The following TINAG variants were observed in gnomAD, a reference collection of about 807,000 sequenced individuals.
The protein encoded by TINAG is tubulointerstitial nephritis antigen.
A neutral mutation model predicts 72.7 loss-of-function variants in TINAG; 83 were observed. That is an observed-to-expected ratio of 1.14 (90% confidence interval 0.96 to 1.37). TINAG has a LOEUF of 1.37. Ranked by LOEUF, TINAG falls within the 40% of genes most tolerant of loss-of-function variation. TINAG has a pLI of 0.00. For missense variants in TINAG, 685 were observed against 576.6 expected (o/e 1.19, Z -1.93); for synonymous variants, 234 against 189.9 (o/e 1.23, Z -1.91).
intron 9 of TINAG, chr6:54,367,070 T>C (rs1763453737): frequency 6.6e-6 from 1 of 151,796 alleles, no homozygotes; most frequent in African/African-American, 2.4e-5. Flanking sequence ...TTCCATTGTT[T>C]CTATATTAAC....
intron 8 of TINAG, 26 bp downstream of exon 8, chr6:54,351,423 T>C (rs772254917): frequency 6.2e-7 from 1 of 1,601,102 alleles, no homozygotes. Flanking sequence ...ATACGGTTTT[T>C]TCTTACTCAT....
At chr6:54,320,261 A>G (rs1232272684) in intron 1 of TINAG, among the ~76,000 whole-genome samples, 1 of 152,106 alleles carries the variant, frequency 6.6e-6, no homozygotes, top group Non-Finnish European at 1.5e-5. Flanking sequence ...AAATACTATT[A>G]TATTGTTTAC....
intron 9 of TINAG, among the ~76,000 whole-genome samples, chr6:54,363,477 G>T (rs1366565948): frequency 6.6e-6 from 1 of 151,460 alleles, no homozygotes; most frequent in Middle Eastern, 3.4e-3. Context: ...TTGTAATGGG[G>T]CATGGTGAAG....
chr6:54,334,286 C>G (rs1162290382), intron 4 of TINAG, among the ~76,000 whole-genome samples: 1 of 152,198 alleles, frequency 6.6e-6, no homozygotes, highest in Non-Finnish European at 1.5e-5. Flanking sequence ...TCTCAGCTGC[C>G]TAGAAGCTCT....
At chr6:54,374,330 T>C (rs773466785) in intron 9 of TINAG, among the ~76,000 whole-genome samples, 9 of 152,074 alleles carry the variant, frequency 5.9e-5, no homozygotes, top group Admixed American at 2.6e-4. Flanking sequence ...TGGCAGAACA[T>C]ATCGATAAAA....
intron 3 of TINAG, among the ~76,000 whole-genome samples, chr6:54,323,666 C>A (rs1784541710): frequency 6.6e-6 from 1 of 152,080 alleles, no homozygotes; most frequent in African/African-American, 2.4e-5. Flanking sequence ...ACAAATAAAT[C>A]ATTTTGGCCT....
At chr6:54,383,108 A>AG (rs1355964168) in intron 10 of TINAG, among the ~76,000 whole-genome samples, 1 of 152,128 alleles carries the variant, frequency 6.6e-6, no homozygotes, top group Non-Finnish European at 1.5e-5. Context: ...AGATAAGAGA[A>AG]GTTTTGTTAT....
intron 1 of TINAG, among the ~76,000 whole-genome samples, chr6:54,310,076 CGTGTGTGTGT>C (rs138971244): frequency 2.4e-5 from 3 of 127,650 alleles, no homozygotes; most frequent in East Asian, 4.5e-4. Context: ...CTTTTTTTTC[CGTGTGTGTGT>C]GTGTGTGTGT....
At chr6:54,362,172 A>G (rs1296332814) in intron 9 of TINAG, among the ~76,000 whole-genome samples, 4 of 151,864 alleles carry the variant, frequency 2.6e-5, no homozygotes, top group Non-Finnish European at 4.4e-5. Context: ...TGTGGGTGAA[A>G]CAGTCTTCTA....
At chr6:54,375,922 C>G (rs1252380275) in intron 9 of TINAG, among the ~76,000 whole-genome samples, 1 of 152,108 alleles carries the variant, frequency 6.6e-6, no homozygotes, top group African/African-American at 2.4e-5. Context: ...TTATCACCAA[C>G]TTTGTAAATG....
intron 9 of TINAG, among the ~76,000 whole-genome samples, chr6:54,379,243 C>T (rs1763872950): frequency 2.0e-5 from 3 of 152,092 alleles, no homozygotes; most frequent in Admixed American, 2.0e-4. Context: ...GCCTATATGT[C>T]TGTAAAAGAA....
intron 4 of TINAG, among the ~76,000 whole-genome samples, chr6:54,339,907 A>G (rs931784213): frequency 1.2e-4 from 18 of 152,324 alleles, no homozygotes; most frequent in African/African-American, 4.3e-4. Flanking sequence ...ACAACTGAAA[A>G]TATAGGGCTG....
At chr6:54,363,454 A>T (rs966630016) in intron 9 of TINAG, among the ~76,000 whole-genome samples, 51 of 151,358 alleles carry the variant, frequency 3.4e-4, no homozygotes, top group African/African-American at 1.2e-3. Flanking sequence ...AAGCTGTAAG[A>T]CATGATGTGA....
At chr6:54,378,399 A>G (rs560058592) in intron 9 of TINAG, among the ~76,000 whole-genome samples, 1 of 152,126 alleles carries the variant, frequency 6.6e-6, no homozygotes, top group East Asian at 1.9e-4. Flanking sequence ...GTTTAGAATG[A>G]CTGGTGTTTT....
chr6:54,375,678 C>G (rs1352420349), intron 9 of TINAG, among the ~76,000 whole-genome samples: 3 of 152,104 alleles, frequency 2.0e-5, no homozygotes, highest in Non-Finnish European at 4.4e-5. Flanking sequence ...TTAGGGTCAA[C>G]TGTGTGAAAG....
chr6:54,341,477 A>G (rs1244769811), intron 4 of TINAG, among the ~76,000 whole-genome samples: 1 of 152,146 alleles, frequency 6.6e-6, no homozygotes, highest in Admixed American at 6.5e-5. Flanking sequence ...ACTTTCTTCC[A>G]TCATCAAAAT....
chr6:54,382,715 T>G (rs1353705589), intron 10 of TINAG, among the ~76,000 whole-genome samples: 1 of 152,064 alleles, frequency 6.6e-6, no homozygotes, highest in African/African-American at 2.4e-5. Flanking sequence ...CTCCCACACC[T>G]TAGTCTTACA....
intron 10 of TINAG, 86 bp from the exon 11 acceptor site, chr6:54,389,705 A>C (rs1306560311): frequency 1.4e-6 from 2 of 1,464,932 alleles, no homozygotes; most frequent in Admixed American, 2.4e-5. Context: ...AAAGGCATTT[A>C]AAGTTACAAA....
At chr6:54,321,462 TATAAATGGTC>T in intron 3 of TINAG, 76 bp downstream of exon 3, 1 of 987,006 alleles carries the variant, frequency 1.0e-6, no homozygotes, top group South Asian at 1.4e-5. Context: ...GCTTGGTTTC[TATAAATGGTC>T]ATTGTTTAAA....
Sources: gnomAD v4.1 joint callset for allele counts (sites outside exome capture counted in the v4.1 genomes callset) on GRCh38, gnomAD v4.1.1 for gene constraint, MANE v1.5 for transcripts, NCBI Gene and HGNC (gene_info 2026-07-23, HGNC 2026-07-21) for gene names.